The following SCUBE1 variants were observed in gnomAD, a reference collection of about 807,000 sequenced individuals.
SCUBE1 encodes the protein signal peptide, CUB and EGF-like domain-containing protein 1.
A neutral mutation model predicts 124.4 loss-of-function variants in SCUBE1; 59 were observed. That is an observed-to-expected ratio of 0.47 (90% confidence interval 0.38 to 0.59). SCUBE1 has a LOEUF of 0.59. Among genes scored for constraint, SCUBE1 ranks in the 20% least tolerant of loss-of-function variants. The pLI, the probability that SCUBE1 is intolerant of heterozygous loss-of-function variation, is 0.00. For synonymous variants in SCUBE1, 545 were observed against 550.9 expected, an observed-to-expected ratio of 0.99 and a Z score of 0.15; for missense variants, 1,150 against 1,371.2, an observed-to-expected ratio of 0.84 and a Z score of 2.55.
At chr22:43,240,066 T>A (rs1922942069) in intron 6 of SCUBE1, among the ~76,000 whole-genome samples, 1 of 152,156 alleles carries the variant, frequency 6.6e-6, no homozygotes, top group African/African-American at 2.4e-5. Flanking sequence ...CTTCACCTTG[T>A]AGGCGTGTGC....
At chr22:43,289,575 AT>A (rs1925277583) in intron 4 of SCUBE1, among the ~76,000 whole-genome samples, 1 of 152,158 alleles carries the variant, frequency 6.6e-6, no homozygotes, top group Non-Finnish European at 1.5e-5. Context: ...TACTTTTTAA[AT>A]GTTTTTGCTT....
intron 3 of SCUBE1, among the ~76,000 whole-genome samples, chr22:43,308,968 A>C (rs111489980): frequency 0.039 from 5,993 of 152,366 alleles, 386 homozygotes; most frequent in African/African-American, 0.14. Context: ...ATGACCCCTC[A>C]GTCAACAGAC....
chr22:43,238,601 C>T, intron 7 of SCUBE1: 1 of 615,344 alleles, frequency 1.6e-6, no homozygotes, highest in Non-Finnish European at 3.0e-6. Context: ...GGCCCAGGAA[C>T]CTGCTGATGT....
At chr22:43,214,044 C>CG in intron 16 of SCUBE1, 46 bp downstream of exon 16, 3 of 447,262 alleles carry the variant, frequency 6.7e-6, no homozygotes, top group Non-Finnish European at 1.2e-5. Context: ...AGGAGGAGCC[C>CG]CCGCCCACCC....
At chr22:43,275,394 C>T (rs541215223) in intron 4 of SCUBE1, among the ~76,000 whole-genome samples, 1 of 152,200 alleles carries the variant, frequency 6.6e-6, no homozygotes, top group Non-Finnish European at 1.5e-5. Context: ...GCACACACTT[C>T]GGGCATGAGT....
chr22:43,242,555 T>C (rs867177434), intron 6 of SCUBE1, among the ~76,000 whole-genome samples: 1 of 152,240 alleles, frequency 6.6e-6, no homozygotes, highest in Admixed American at 6.5e-5. Flanking sequence ...TCCCGGCCTC[T>C]GCCCCCTACC....
intron 4 of SCUBE1, among the ~76,000 whole-genome samples, chr22:43,290,122 G>T (rs1925301600): frequency 6.6e-6 from 1 of 152,130 alleles, no homozygotes; most frequent in South Asian, 2.1e-4. Flanking sequence ...CTCTGCTTTG[G>T]TACACAGCCC....
chr22:43,334,413 C>T (rs1926997385), intron 2 of SCUBE1, among the ~76,000 whole-genome samples: 1 of 152,182 alleles, frequency 6.6e-6, no homozygotes. Context: ...CATTTCCCAA[C>T]CATTTTAGGT....
rs568199544 is a variant in SCUBE1 at position 43,208,330 on chromosome 22, C to T, written c.2582-106G>A. 3.6e-5 allele frequency: 38 copies of T among 1,047,014 alleles called. No homozygotes were observed. In the South Asian group the frequency reaches 4.4e-4, roughly 12 times the overall value. 64.9% of individuals were successfully genotyped at this position (1,047,014 alleles called of 1,614,324 possible). A position where few individuals can be genotyped will look rare whatever the true frequency, so the allele number is the denominator to read the frequency against. The stretch of plus-strand genomic sequence containing the variant: ...ACCACCCAGCACCTGCACCGAACGC[C>T]TGGTCCCCCAAACACAACGGCTTAG... On this transcript the variant is annotated intron_variant, in intron 19 of 21. Coordinates refer to ENST00000360835, the MANE Select transcript of SCUBE1 (RefSeq NM_173050.5).
At position 43,311,185 on chromosome 22, in the gene SCUBE1, A is replaced by T. The variant is rs151135035; in HGVS notation, c.349+8752T>A. 6.1e-3 allele frequency among the ~76,000 whole-genome samples: 923 copies of T among 152,194 alleles called. 7 individuals are homozygous for T. Among genetic ancestry groups the T allele is most frequent in the African/African-American group, 0.02 (825 of 41,504 alleles). ...CACTTTGTATCACATTATTTGTTTT[A>T]TTATTTTTTTCAGTGGCTCTGACCT... On this transcript the variant is annotated intron_variant, in intron 3 of 21. Transcript: ENST00000360835.
At chr22:43,312,062 T>C (rs1278462316) in intron 3 of SCUBE1, among the ~76,000 whole-genome samples, 1 of 152,190 alleles carries the variant, frequency 6.6e-6, no homozygotes, top group Non-Finnish European at 1.5e-5. Flanking sequence ...GGAGCAGGCA[T>C]TGCCCGTGCT....
At chr22:43,319,041 T>C (rs1490177614) in intron 3 of SCUBE1, among the ~76,000 whole-genome samples, 2 of 152,120 alleles carry the variant, frequency 1.3e-5, no homozygotes, top group East Asian at 3.9e-4. Context: ...TTTTATACAA[T>C]TGGCTTAAAA....
chr22:43,332,645 G>A (rs554768568), intron 2 of SCUBE1, among the ~76,000 whole-genome samples: 36 of 152,294 alleles, frequency 2.4e-4, no homozygotes, highest in African/African-American at 6.7e-4. Context: ...TTCCCCAGGC[G>A]AATTCTGCCA....
intron 2 of SCUBE1, among the ~76,000 whole-genome samples, chr22:43,329,236 C>G (rs1345689870): frequency 6.6e-6 from 1 of 152,352 alleles, no homozygotes; most frequent in South Asian, 2.1e-4. Flanking sequence ...TACAGACTGG[C>G]CAGGACCAGG....
intron 11 of SCUBE1, 149 bp from the exon 12 acceptor site, chr22:43,222,891 C>A (rs970599002): frequency 6.5e-5 from 62 of 952,166 alleles, no homozygotes; most frequent in Non-Finnish European, 8.6e-5. Flanking sequence ...AGGGAAGTGG[C>A]CAGGAGGAAG....
chr22:43,222,517 G>C (rs1372501895), intron 12 of SCUBE1, 121 bp downstream of exon 12: 14 of 765,352 alleles, frequency 1.8e-5, no homozygotes, highest in Non-Finnish European at 3.0e-5. Context: ...AGGCCACACG[G>C]AGCAGGGCCG....
At chr22:43,281,719 T>G (rs537319678) in intron 4 of SCUBE1, among the ~76,000 whole-genome samples, 1 of 152,306 alleles carries the variant, frequency 6.6e-6, no homozygotes, top group East Asian at 1.9e-4. Flanking sequence ...CCCTGATGGC[T>G]TCCAGTGCTC....
chr22:43,292,343 C>T (rs1171168723), intron 3 of SCUBE1, among the ~76,000 whole-genome samples: 1 of 152,176 alleles, frequency 6.6e-6, no homozygotes, highest in Non-Finnish European at 1.5e-5. Context: ...GCGCTATTGG[C>T]TGAAAACAGT....
At chr22:43,214,384 C>T in intron 15 of SCUBE1, 133 bp from the exon 16 acceptor site, 1 of 785,372 alleles carries the variant, frequency 1.3e-6, no homozygotes, top group Non-Finnish European at 1.9e-6. Flanking sequence ...ACAGAGGGGC[C>T]CCTGACCTAT....
Sources: allele counts gnomAD v4.1 joint callset (sites outside exome capture counted in the v4.1 genomes callset), GRCh38; gene constraint gnomAD v4.1.1; transcripts MANE v1.5; gene names NCBI Gene and HGNC (gene_info 2026-07-23, HGNC 2026-07-21).